UNC79: variants seen among roughly 807,000 people sequenced by gnomAD.
The protein encoded by UNC79 is unc-79 subunit of NALCN channel complex.
Under a neutral mutation model 283.1 loss-of-function variants are expected in UNC79, and 37 were observed. That is an observed-to-expected ratio of 0.13 (90% CI 0.10 to 0.17). The LOEUF is 0.17. UNC79 is among the 10% of genes least tolerant of loss of function. The probability of loss-of-function intolerance (pLI) is 1.00; values close to 1 mark genes in which losing one functional copy is unlikely to be tolerated. For missense variants in UNC79, 2,272 were observed against 3,211.1 expected (o/e 0.71, Z 7.07); for synonymous variants, 1,107 against 1,200.2 (o/e 0.92, Z 1.61).
At chr14:93,673,354 C>A (rs774047566) in exon 41 of UNC79, 10 of 1,611,332 alleles carry the variant, frequency 6.2e-6, no homozygotes, top group Non-Finnish European at 1.7e-6. Context: ...TCTTTAGGAA[C>A]GAGATAAATT....
At chr14:93,679,415 C>T (rs1324414221) in intron 41 of UNC79, among the ~76,000 whole-genome samples, 2 of 151,960 alleles carry the variant, frequency 1.3e-5, no homozygotes, top group African/African-American at 2.4e-5. Flanking sequence ...GCCGAGATCG[C>T]GCGACTGCAC....
At chr14:93,428,378 A>G (rs1462576717), upstream of UNC79, among the ~76,000 whole-genome samples, 1 of 152,222 alleles carries the variant, frequency 6.6e-6, no homozygotes, top group African/African-American at 2.4e-5. Flanking sequence ...TTGGAAAAAA[A>G]GGCATTGCAT....
intron 1 of UNC79, among the ~76,000 whole-genome samples, chr14:93,456,602 A>AT (rs1211189686): frequency 6.6e-6 from 1 of 151,950 alleles, no homozygotes; most frequent in Non-Finnish European, 1.5e-5. Context: ...TCCTAAGATT[A>AT]TTTTTCCCAA....
chr14:93,678,242 T>C (rs1235155783), intron 41 of UNC79, among the ~76,000 whole-genome samples: 3 of 152,196 alleles, frequency 2.0e-5, no homozygotes, highest in African/African-American at 7.2e-5. Flanking sequence ...CCAGTGAGGA[T>C]GGGTTTAGTT....
intron 22 of UNC79, among the ~76,000 whole-genome samples, chr14:93,591,218 G>A (rs1365629423): frequency 6.6e-6 from 1 of 152,056 alleles, no homozygotes; most frequent in Non-Finnish European, 1.5e-5. Context: ...ACCTCCATAT[G>A]CTCTCTGTAA....
At chr14:93,699,507 T>C (rs2075381335) in intron 47 of UNC79, among the ~76,000 whole-genome samples, 1 of 152,184 alleles carries the variant, frequency 6.6e-6, no homozygotes, top group Non-Finnish European at 1.5e-5. Context: ...AATTTCCAGT[T>C]TGGTTTCTTC....
chr14:93,361,223 A>G (rs1310646373), intron 1 of UNC79, among the ~76,000 whole-genome samples: 46 of 144,518 alleles, frequency 3.2e-4, no homozygotes, highest in African/African-American at 1.1e-3. Flanking sequence ...AAAAAAAAAA[A>G]AAAAAAAAAA....
At chr14:93,615,735 A>G (rs1208426253) in intron 27 of UNC79, among the ~76,000 whole-genome samples, 1 of 148,708 alleles carries the variant, frequency 6.7e-6, no homozygotes, top group Non-Finnish European at 1.5e-5. Context: ...AAAAAAAAAA[A>G]AAAAAAAAAA....
At chr14:93,550,457 G>C (rs1307354676) in intron 14 of UNC79, among the ~76,000 whole-genome samples, 2 of 142,060 alleles carry the variant, frequency 1.4e-5, no homozygotes, top group Non-Finnish European at 3.0e-5. Flanking sequence ...GGAGGTTGCA[G>C]TGAGCCAAGA....
chr14:93,507,890 A>G (rs12588528), intron 7 of UNC79, among the ~76,000 whole-genome samples: 46,683 of 151,832 alleles, frequency 0.31, 7,534 homozygotes, highest in East Asian at 0.65. Context: ...GCTATGGCTT[A>G]TTGTCTTCCT....
In UNC79 at chr14:93,548,218, G is replaced by C. The variant is rs980257654; in HGVS notation, c.1755+5522G>C. ...AGTGTCTGGTGAGGGCCTACGTTCT[G>C]GTTCATAGATAGTGCTTTCTGGCAG... On this transcript the variant is annotated intron_variant, in intron 14 of 48. Transcript: ENST00000555664. 1.1e-4 allele frequency among the ~76,000 whole-genome samples: 17 copies of C among 152,260 alleles called. No homozygotes were observed. The South Asian group carries it at 1.9e-3, about 17-fold the overall frequency.
At chr14:93,655,657 A>C (rs1016265207) in intron 38 of UNC79, among the ~76,000 whole-genome samples, 15 of 151,778 alleles carry the variant, frequency 9.9e-5, no homozygotes, top group Admixed American at 2.6e-4. Flanking sequence ...AAAAAAAAAA[A>C]AAAACAAAAA....
chr14:93,537,337 T>C (rs1478619013), intron 11 of UNC79, among the ~76,000 whole-genome samples: 7 of 152,222 alleles, frequency 4.6e-5, no homozygotes, highest in Non-Finnish European at 8.8e-5. Flanking sequence ...CTGCGGTTGA[T>C]GTCAATGCTG....
At chr14:93,506,696 T>C (rs2059560771) in intron 7 of UNC79, among the ~76,000 whole-genome samples, 1 of 152,210 alleles carries the variant, frequency 6.6e-6, no homozygotes, top group Non-Finnish European at 1.5e-5. Context: ...TGTGGCTTGA[T>C]GTATTTTGTC....
At chr14:93,403,350 AG>A (rs1186649501) in intron 1 of UNC79, among the ~76,000 whole-genome samples, 1 of 152,218 alleles carries the variant, frequency 6.6e-6, no homozygotes, top group East Asian at 1.9e-4. Flanking sequence ...TTTAGGGTAA[AG>A]ATCTTTAGGT....
intron 1 of UNC79, among the ~76,000 whole-genome samples, chr14:93,377,396 G>C (rs1168191871): frequency 1.3e-5 from 2 of 152,068 alleles, no homozygotes; most frequent in Non-Finnish European, 2.9e-5. Context: ...GCCTGGCCGA[G>C]AATAGTTGTT....
intron 1 of UNC79, among the ~76,000 whole-genome samples, chr14:93,447,254 A>G (rs1333695916): frequency 2.0e-5 from 3 of 152,138 alleles, no homozygotes; most frequent in African/African-American, 7.2e-5. Context: ...TTCACCCTTT[A>G]AAGTTTTCCT....
At chr14:93,367,102 C>T (rs573351114) in intron 1 of UNC79, among the ~76,000 whole-genome samples, 12 of 152,262 alleles carry the variant, frequency 7.9e-5, no homozygotes, top group African/African-American at 2.9e-4. Context: ...ATTGTAAATC[C>T]AGTTCTCCAT....
At chr14:93,346,110 T>G (rs2053822259) in intron 1 of UNC79, among the ~76,000 whole-genome samples, 2 of 151,926 alleles carry the variant, frequency 1.3e-5, no homozygotes, top group Admixed American at 1.3e-4. Context: ...TTCCAAGGAC[T>G]GAGGAACTTT....
Sources: gnomAD v4.1 joint callset for allele counts (sites outside exome capture counted in the v4.1 genomes callset) on GRCh38, gnomAD v4.1.1 for gene constraint, MANE v1.5 for transcripts, NCBI Gene and HGNC (gene_info 2026-07-23, HGNC 2026-07-21) for gene names.